Variants in HPGDS observed in about 807,000 individuals in gnomAD.
HPGDS encodes hematopoietic prostaglandin D synthase.
HPGDS carries 26 observed loss-of-function variants against 23.1 expected under a neutral mutation model. The observed-to-expected ratio is 1.13, with a 90% CI of 0.83 to 1.56. HPGDS has a LOEUF of 1.56. Ranked by LOEUF, HPGDS falls within the 40% of genes most tolerant of loss-of-function variation. The pLI, the probability that HPGDS is intolerant of heterozygous loss-of-function variation, is 0.00. For synonymous variants in HPGDS, 95 were observed against 77.9 expected, an observed-to-expected ratio of 1.22 and a Z score of -1.16; for missense variants, 268 against 236.4, an observed-to-expected ratio of 1.13 and a Z score of -0.88.
chr4:94,334,518 C>A lies in HPGDS; in HGVS notation c.112G>T (p.Asp38Tyr). 6.3e-7 allele frequency: 1 copy of A among 1,593,700 alleles called. No individual in the cohort carries two copies. Among genetic ancestry groups the A allele is most frequent in the Admixed American group, 1.8e-5 (1 of 56,600 alleles). Reference protein sequence around the residue: ...QYEDHRIEQADWPEIKSTLPF... With the variant: ...QYEDHRIEQAYWPEIKSTLPF... ...TTACTTGATTTGATTTCAGGCCAGT[C>A]AGCTTGTTCTATTCTGTGGTCTTCA... The change falls in exon 2 of 6, where the codon GAC becomes TAC. Residue 38 changes from aspartate (D) to tyrosine (Y), a missense_variant. Transcript: ENST00000295256.
At chr4:94,324,550 C>T (rs552423052) in intron 2 of HPGDS, among the ~76,000 whole-genome samples, 6 of 152,272 alleles carry the variant, frequency 3.9e-5, no homozygotes, top group African/African-American at 9.6e-5. Context: ...TTGATCAAAT[C>T]GGCTACTGAA....
intron 2 of HPGDS, among the ~76,000 whole-genome samples, chr4:94,319,187 A>G (rs1756454703): frequency 6.6e-6 from 1 of 152,160 alleles, no homozygotes; most frequent in African/African-American, 2.4e-5. Flanking sequence ...CAGTTCTAAC[A>G]ATATTTGCTT....
At position 94,318,967 on chromosome 4, in the gene HPGDS, C is replaced by A. The variant is rs1169553707; in HGVS notation, c.134-1002G>T. On this transcript the variant is annotated intron_variant, in intron 2 of 5. Transcript: ENST00000295256. ...ACCTCAAGTGATCCACCTACCTCAG[C>A]CTCCCAAAGTGCTAGGATTACAGGC... Among the ~76,000 whole-genome samples, 4 of 152,182 alleles carry A rather than the reference C, an allele frequency of 2.6e-5. No homozygotes were observed. In the East Asian group the frequency reaches 7.7e-4, roughly 29 times the overall value.
rs143436465 is a variant in HPGDS at position 94,323,348 on chromosome 4, T to C, written c.134-5383A>G. 2.8e-3 allele frequency among the ~76,000 whole-genome samples: 428 copies of C among 152,322 alleles called. 2 individuals are homozygous for C. Among genetic ancestry groups the C allele is most frequent in the African/African-American group, 9.9e-3 (410 of 41,570 alleles). ...CCTTCTTTCTCATTGATCTGTCTAA[T>C]ATTGACATTGAGGTGTTAAAGTCTC... On this transcript the variant is annotated intron_variant, in intron 2 of 5. Coordinates refer to ENST00000295256, the MANE Select transcript of HPGDS (RefSeq NM_014485.3).
chr4:94,340,274 T>C (rs1721112662), intron 1 of HPGDS, among the ~76,000 whole-genome samples: 1 of 56,212 alleles, frequency 1.8e-5, no homozygotes, highest in Non-Finnish European at 4.0e-5. Flanking sequence ...TCTTTCTTTC[T>C]TTCTTTCTTT....
intron 1 of HPGDS, among the ~76,000 whole-genome samples, chr4:94,339,525 C>T (rs1721091259): frequency 6.6e-6 from 1 of 152,096 alleles, no homozygotes; most frequent in Non-Finnish European, 1.5e-5. Context: ...CTAATAAATA[C>T]CCTGGATAAA....
chr4:94,301,659 T>A (rs1756042675), intron 5 of HPGDS, among the ~76,000 whole-genome samples: 1 of 152,126 alleles, frequency 6.6e-6, no homozygotes, highest in Admixed American at 6.5e-5. Flanking sequence ...TTTATTTTTG[T>A]ACCCACAATA....
intron 1 of HPGDS, among the ~76,000 whole-genome samples, chr4:94,336,827 A>G (rs894508642): frequency 2.0e-5 from 3 of 152,250 alleles, no homozygotes; most frequent in Admixed American, 6.5e-5. Flanking sequence ...GATTATTCTT[A>G]TCCAGGAAAA....
In HPGDS at chr4:94,312,303, A is replaced by G. The variant is rs1305319205; in HGVS notation, c.227-3560T>C. Among the ~76,000 whole-genome samples the G allele has an allele frequency of 1.2e-4, 19 of 152,052 alleles. No homozygotes were observed. The South Asian group carries it at 3.1e-3, about 25-fold the overall frequency. ...TGCTATAAATTTCCCTCTACACACT[A>G]CTTTAAATGTGTCCCAGAGATTCTG... On this transcript the variant is annotated intron_variant, in intron 3 of 5. Transcript: ENST00000295256.
chr4:94,326,257 G>C (rs1343716751), intron 2 of HPGDS, among the ~76,000 whole-genome samples: 1 of 152,010 alleles, frequency 6.6e-6, no homozygotes, highest in African/African-American at 2.4e-5. Flanking sequence ...GCTAGACTTG[G>C]GAAGTTTTAA....
rs142803396 is a variant in HPGDS at position 94,324,212 on chromosome 4, C to G, written c.134-6247G>C. On this transcript the variant is annotated intron_variant, in intron 2 of 5. Transcript: ENST00000295256. ...TTAACATTTTTTCCTTCATTTCAACCTTGGTGAATCTGACGATTACATGTC... is the reference window on the plus strand; with the variant it reads ...TTAACATTTTTTCCTTCATTTCAACGTTGGTGAATCTGACGATTACATGTC... Among the ~76,000 whole-genome samples the G allele has an allele frequency of 2.8e-3, 425 of 152,228 alleles. 2 individuals are homozygous for G. Among genetic ancestry groups the G allele is most frequent in the African/African-American group, 9.8e-3 (406 of 41,524 alleles).
intron 2 of HPGDS, among the ~76,000 whole-genome samples, chr4:94,323,376 A>G (rs1201101305): frequency 6.6e-6 from 1 of 152,172 alleles, no homozygotes; most frequent in African/African-American, 2.4e-5. Context: ...AAAGTCTCCC[A>G]TTATTATTGT....
intron 3 of HPGDS, among the ~76,000 whole-genome samples, chr4:94,314,225 G>T (rs2126038879): frequency 6.6e-6 from 1 of 152,248 alleles, no homozygotes. Flanking sequence ...CTGATTTTTT[G>T]AATTTTCAGT....
chr4:94,305,964 G>T (rs1327607499), intron 4 of HPGDS, among the ~76,000 whole-genome samples: 1 of 152,090 alleles, frequency 6.6e-6, no homozygotes, highest in East Asian at 1.9e-4. Context: ...CATCTGGAAA[G>T]TGAGCATGAC....
intron 2 of HPGDS, among the ~76,000 whole-genome samples, chr4:94,321,442 G>A (rs1445977074): frequency 3.0e-4 from 45 of 152,182 alleles, no homozygotes; most frequent in East Asian, 1.7e-3. Flanking sequence ...ATTTTGTTGA[G>A]CAGTGGTTTG....
chr4:94,320,842 C>T (rs1228074880), intron 2 of HPGDS, among the ~76,000 whole-genome samples: 1 of 152,180 alleles, frequency 6.6e-6, no homozygotes, highest in Non-Finnish European at 1.5e-5. Context: ...TTGCCCATGC[C>T]TATGTCCTGA....
At chr4:94,314,778 G>C (rs1391005978) in intron 3 of HPGDS, among the ~76,000 whole-genome samples, 2 of 152,142 alleles carry the variant, frequency 1.3e-5, no homozygotes, top group South Asian at 2.1e-4. Context: ...GAGCTGTGGT[G>C]GGCTCCACCC....
At chr4:94,332,394 G>A (rs1394784681) in intron 2 of HPGDS, among the ~76,000 whole-genome samples, 1 of 152,212 alleles carries the variant, frequency 6.6e-6, no homozygotes, top group Non-Finnish European at 1.5e-5. Context: ...TTTTGCCCTT[G>A]CTGGTGGGGG....
chr4:94,324,543 A>T (rs1004972317), intron 2 of HPGDS, among the ~76,000 whole-genome samples: 1 of 152,070 alleles, frequency 6.6e-6, no homozygotes, highest in African/African-American at 2.4e-5. Context: ...CTTCCACTTG[A>T]TCAAATCGGC....
Sources: gnomAD v4.1 joint callset for allele counts (sites outside exome capture counted in the v4.1 genomes callset) on GRCh38, gnomAD v4.1.1 for gene constraint, MANE v1.5 for transcripts, NCBI Gene and HGNC (gene_info 2026-07-23, HGNC 2026-07-21) for gene names.